The following GPC6 variants were observed in gnomAD, a reference collection of about 807,000 sequenced individuals.
GPC6 encodes the protein glypican-6.
Under a neutral mutation model 55.2 loss-of-function variants are expected in GPC6, and 14 were observed. That is an observed-to-expected ratio of 0.25 (90% CI 0.17 to 0.40). The LOEUF is 0.40. Among genes scored for constraint, GPC6 ranks in the 10% least tolerant of loss-of-function variants. The pLI is 1.00. For synonymous variants in GPC6, 278 were observed against 259.6 expected (o/e 1.07, Z -0.68); for missense variants, 641 against 708.5 (o/e 0.90, Z 1.08).
At chr13:94,115,264 G>A (rs1259120568) in intron 4 of GPC6, among the ~76,000 whole-genome samples, 1 of 152,074 alleles carries the variant, frequency 6.6e-6, no homozygotes, top group Non-Finnish European at 1.5e-5. Context: ...GGGCCATTTA[G>A]CTATCTCCTT....
chr13:94,256,507 A>G (rs988912757), intron 4 of GPC6, among the ~76,000 whole-genome samples: 1 of 152,188 alleles, frequency 6.6e-6, no homozygotes, highest in Admixed American at 6.5e-5. Context: ...TACTTTTGTC[A>G]GTGTCATCTC....
intron 4 of GPC6, among the ~76,000 whole-genome samples, chr13:94,171,920 A>G (rs1277406981): frequency 6.6e-6 from 1 of 152,212 alleles, no homozygotes; most frequent in African/African-American, 2.4e-5. Context: ...TGGAAGGTGT[A>G]CTAGCTGTAC....
At chr13:93,254,422 A>G (rs1044549373) in intron 1 of GPC6, among the ~76,000 whole-genome samples, 3 of 152,230 alleles carry the variant, frequency 2.0e-5, no homozygotes, top group Admixed American at 1.3e-4. Flanking sequence ...TTTTATAACC[A>G]AAGATGATAC....
intron 2 of GPC6, among the ~76,000 whole-genome samples, chr13:93,583,366 G>A (rs970545536): frequency 4.6e-5 from 7 of 150,588 alleles, no homozygotes; most frequent in Non-Finnish European, 7.4e-5. Context: ...GCGCGCGCGT[G>A]CGTATGTGTG....
intron 6 of GPC6, among the ~76,000 whole-genome samples, chr13:94,359,198 T>G (rs1878943611): frequency 6.6e-6 from 1 of 152,190 alleles, no homozygotes; most frequent in African/African-American, 2.4e-5. Flanking sequence ...TTTTTAAATA[T>G]TTGTGATTTG....
chr13:93,923,487 C>CA (rs5805836), intron 3 of GPC6, among the ~76,000 whole-genome samples: 122,517 of 149,222 alleles, frequency 0.82, 50,218 homozygotes, highest in South Asian at 0.88. Context: ...AAAAATAAAG[C>CA]AAAAAAAAAA....
chr13:94,264,672 A>C (rs1264698747), intron 4 of GPC6, among the ~76,000 whole-genome samples: 1 of 152,234 alleles, frequency 6.6e-6, no homozygotes, highest in African/African-American at 2.4e-5. Context: ...CAATTCTCCA[A>C]ATCCATGGTA....
At chr13:94,063,535 T>C (rs1884410581) in intron 4 of GPC6, among the ~76,000 whole-genome samples, 1 of 152,222 alleles carries the variant, frequency 6.6e-6, no homozygotes, top group South Asian at 2.1e-4. Context: ...TGTTCTGTGC[T>C]TGGTTTTGTT....
At chr13:93,676,644 T>A in intron 2 of GPC6, among the ~76,000 whole-genome samples, 1 of 152,066 alleles carries the variant, frequency 6.6e-6, no homozygotes, top group East Asian at 1.9e-4. Flanking sequence ...TGTTGTCAGA[T>A]CTCCCAAAAT....
intron 2 of GPC6, among the ~76,000 whole-genome samples, chr13:93,683,480 G>A (rs1312227090): frequency 2.0e-5 from 3 of 152,024 alleles, no homozygotes; most frequent in African/African-American, 7.2e-5. Flanking sequence ...CAAGTCTAAT[G>A]TATACATCTT....
chr13:94,312,039 C>G (rs982391654), intron 6 of GPC6, among the ~76,000 whole-genome samples: 1 of 152,204 alleles, frequency 6.6e-6, no homozygotes, highest in Non-Finnish European at 1.5e-5. Flanking sequence ...GTTATCATGA[C>G]CCTTGTAGCT....
At chr13:93,611,422 AT>A in intron 2 of GPC6, among the ~76,000 whole-genome samples, 1 of 152,258 alleles carries the variant, frequency 6.6e-6, no homozygotes, top group Admixed American at 6.5e-5. Context: ...AAGTATATAT[AT>A]GTATTTTCAT....
At chr13:94,136,186 CTTTT>C (rs11321467) in intron 4 of GPC6, among the ~76,000 whole-genome samples, 4 of 138,930 alleles carry the variant, frequency 2.9e-5, no homozygotes, top group Non-Finnish European at 4.7e-5. Context: ...AGTTTAGCAT[CTTTT>C]TTTTTTTTTT....
chr13:93,863,938 C>A (rs546847114), intron 3 of GPC6, among the ~76,000 whole-genome samples: 84 of 151,776 alleles, frequency 5.5e-4, no homozygotes, highest in African/African-American at 1.8e-3. Flanking sequence ...AAGATGAAAT[C>A]AGTACTAGTC....
chr13:94,351,985 AAAAG>A lies in GPC6; in HGVS notation c.1153-30425_1153-30422del, dbSNP rs1290978722. 9.3e-4 allele frequency among the ~76,000 whole-genome samples: 141 copies of A among 151,524 alleles called. 1 individual carries two copies. In the Middle Eastern group the frequency reaches 0.01, roughly 11 times the overall value. ...GGCAAAAAAAAAAAAAAAAAAAAGA[AAAAG>A]AAAAAAAATAAAAGAAAATAGAACG... On this transcript the variant is annotated intron_variant, in intron 6 of 8. Transcript: ENST00000377047.
chr13:93,959,379 T>C (rs961975423), intron 3 of GPC6, among the ~76,000 whole-genome samples: 62 of 152,142 alleles, frequency 4.1e-4, no homozygotes, highest in Non-Finnish European at 4.4e-5. Flanking sequence ...ACCAGGCTGG[T>C]CTCAAGCTCC....
chr13:93,995,867 A>G (rs1163313047), intron 3 of GPC6, among the ~76,000 whole-genome samples: 1 of 152,176 alleles, frequency 6.6e-6, no homozygotes, highest in African/African-American at 2.4e-5. Context: ...ATCTTAAGTA[A>G]AAATTGCCCC....
chr13:93,705,332 G>A (rs1442345923), intron 2 of GPC6, among the ~76,000 whole-genome samples: 1 of 151,872 alleles, frequency 6.6e-6, no homozygotes, highest in Non-Finnish European at 1.5e-5. Flanking sequence ...AATAAGAATA[G>A]AAATTGAGAG....
intron 4 of GPC6, among the ~76,000 whole-genome samples, chr13:94,038,536 T>C (rs1283580250): frequency 6.6e-6 from 1 of 151,936 alleles, no homozygotes; most frequent in Non-Finnish European, 1.5e-5. Context: ...TGCATGAGTT[T>C]GAATCCTGAC....
Sources: allele counts gnomAD v4.1 joint callset (sites outside exome capture counted in the v4.1 genomes callset), GRCh38; gene constraint gnomAD v4.1.1; transcripts MANE v1.5; gene names NCBI Gene and HGNC (gene_info 2026-07-23, HGNC 2026-07-21).